Variants in SLK observed in about 807,000 individuals in gnomAD.
SLK encodes STE20 like kinase.
In SLK, 67 loss-of-function variants were observed where a neutral mutation model predicts 147.7. The observed-to-expected ratio is 0.45, with a 90% CI of 0.37 to 0.56. SLK has a LOEUF of 0.56. Among genes scored for constraint, SLK ranks in the 20% least tolerant of loss-of-function variants. The pLI is 0.00. For synonymous variants in SLK, 441 were observed against 475.0 expected, an observed-to-expected ratio of 0.93 and a Z score of 0.93; for missense variants, 1,136 against 1,438.8, an observed-to-expected ratio of 0.79 and a Z score of 3.41.
At chr10:104,015,832 T>G (rs1844455673) in intron 13 of SLK, among the ~76,000 whole-genome samples, 1 of 152,198 alleles carries the variant, frequency 6.6e-6, no homozygotes, top group Admixed American at 6.5e-5. Flanking sequence ...ATCCTTTACT[T>G]TTGTGTTTGA....
intron 4 of SLK, among the ~76,000 whole-genome samples, chr10:103,996,801 T>C (rs1844181370): frequency 6.6e-6 from 1 of 152,234 alleles, no homozygotes; most frequent in Non-Finnish European, 1.5e-5. Flanking sequence ...TTCCCTTGCA[T>C]TGACTTGCTT....
At chr10:103,983,050 G>GGT (rs67772110) in intron 1 of SLK, among the ~76,000 whole-genome samples, 4 of 151,970 alleles carry the variant, frequency 2.6e-5, no homozygotes, top group South Asian at 4.1e-4. Flanking sequence ...CTATGTGAGG[G>GGT]GTGTGTGTAT....
chr10:104,013,284 G>A (rs1253808693), intron 13 of SLK, among the ~76,000 whole-genome samples: 1 of 152,218 alleles, frequency 6.6e-6, no homozygotes, highest in African/African-American at 2.4e-5. Flanking sequence ...TTTGAAAGAA[G>A]CAACTATGGG....
intron 1 of SLK, 88 bp from the exon 2 acceptor site, chr10:103,990,587 T>C (rs1298624720): frequency 2.8e-6 from 2 of 723,038 alleles, no homozygotes; most frequent in Non-Finnish European, 4.2e-6. Flanking sequence ...GAATTAAATA[T>C]GAATTAAAAC....
intron 1 of SLK, among the ~76,000 whole-genome samples, chr10:103,979,224 C>A (rs1463316252): frequency 6.6e-6 from 1 of 152,184 alleles, no homozygotes; most frequent in African/African-American, 2.4e-5. Context: ...GCCTTGTTGG[C>A]CAGGCTGGTC....
intron 13 of SLK, among the ~76,000 whole-genome samples, chr10:104,016,772 C>A (rs1308852421): frequency 6.6e-6 from 1 of 150,972 alleles, no homozygotes; most frequent in African/African-American, 2.5e-5. Context: ...GTGAGACTCT[C>A]TGTGCATTTG....
At chr10:104,025,547 C>G (rs1278768916) in intron 18 of SLK, 27 bp from the exon 19 acceptor site, 2 of 1,608,446 alleles carry the variant, frequency 1.2e-6, no homozygotes, top group South Asian at 1.1e-5. Flanking sequence ...CAGCACATAG[C>G]AATTTCTTTT....
chr10:104,021,560 T>C, intron 17 of SLK, 60 bp from the exon 18 acceptor site: 1 of 838,784 alleles, frequency 1.2e-6, no homozygotes, highest in East Asian at 2.5e-5. Flanking sequence ...AAGATAATTG[T>C]ATTTGTGAAA....
At chr10:103,988,890 G>C (rs1844053245) in intron 1 of SLK, among the ~76,000 whole-genome samples, 1 of 151,774 alleles carries the variant, frequency 6.6e-6, no homozygotes, top group Non-Finnish European at 1.5e-5. Context: ...GAGGGATTTT[G>C]TAAATTGCCC....
At chr10:103,979,390 G>A (rs1843912455) in intron 1 of SLK, among the ~76,000 whole-genome samples, 1 of 152,154 alleles carries the variant, frequency 6.6e-6, no homozygotes, top group Non-Finnish European at 1.5e-5. Flanking sequence ...GCTTTATAAA[G>A]TCTCTTAAAA....
At chr10:104,001,653 TG>T in intron 8 of SLK, 81 bp downstream of exon 8, 1 of 1,493,968 alleles carries the variant, frequency 6.7e-7, no homozygotes. Context: ...TAAGGATTGA[TG>T]GGTGGCAACG....
In SLK at chr10:104,003,185, T is replaced by C; in HGVS notation, c.2007T>C (p.Val669=). Residue 669 remains valine, a synonymous_variant, in exon 9 of 19, where the codon GTT becomes GTC. Coordinates refer to ENST00000369755, the MANE Select transcript of SLK (RefSeq NM_014720.4). ...DTDQKALGSE[V]QDASKVTTQI... ...ACCAAAAGGCTTTAGGAAGTGAAGTTCAGGATGCTTCTAAAGTCACTACTC... is the reference window on the plus strand; with the variant it reads ...ACCAAAAGGCTTTAGGAAGTGAAGTCCAGGATGCTTCTAAAGTCACTACTC... 1.2e-6 allele frequency: 2 copies of C among 1,613,940 alleles called. No homozygotes were observed. Among genetic ancestry groups the C allele is most frequent in the Non-Finnish European group, 1.7e-6 (2 of 1,179,966 alleles).
intron 4 of SLK, among the ~76,000 whole-genome samples, chr10:103,995,414 C>CTTTTTTTTTTT (rs1564655785): frequency 8.0e-6 from 1 of 125,382 alleles, no homozygotes; most frequent in African/African-American, 3.1e-5. Context: ...TTTTTCTTTT[C>CTTTTTTTTTTT]TTTCTTTTCT....
At chr10:103,968,337 A>G (rs998609143) in intron 1 of SLK, among the ~76,000 whole-genome samples, 12 of 152,332 alleles carry the variant, frequency 7.9e-5, no homozygotes, top group African/African-American at 2.9e-4. Flanking sequence ...ATCTAGAGCT[A>G]ATACAGAACT....
In SLK at chr10:103,992,847, T is replaced by C. The variant is rs1210230383; in HGVS notation, c.365-137T>C. Reference sequence around the variant, plus strand: ...TTGAGTGTGTCAAGAATGTGATCTTTGTAGATATAGTTCTTTTAAAATAAA... The same window carrying C: ...TTGAGTGTGTCAAGAATGTGATCTTCGTAGATATAGTTCTTTTAAAATAAA... On this transcript the variant is annotated intron_variant, in intron 3 of 18. Transcript: ENST00000369755. 4.3e-6 allele frequency: 3 copies of C among 697,732 alleles called. No homozygotes were observed. The African/African-American group carries it at 5.4e-5, about 13-fold the overall frequency. The allele number at this position is 697,732 out of a possible 1,614,324, so 43.2% of individuals were successfully genotyped here. A position where few individuals can be genotyped will look rare whatever the true frequency, so the allele number is the denominator to read the frequency against.
chr10:104,021,024 T>C (rs1414063774), intron 17 of SLK, among the ~76,000 whole-genome samples: 2 of 152,232 alleles, frequency 1.3e-5, no homozygotes, highest in Non-Finnish European at 2.9e-5. Flanking sequence ...TTCTAGGTTT[T>C]TGAAATAAGT....
At chr10:104,006,139 A>T in intron 11 of SLK, 104 bp downstream of exon 11, 1 of 1,160,170 alleles carries the variant, frequency 8.6e-7, no homozygotes, top group Non-Finnish European at 1.2e-6. Flanking sequence ...TTGTTCTCTG[A>T]TTGCCAGATT....
chr10:103,991,671 A>G (rs1022945724), intron 2 of SLK, among the ~76,000 whole-genome samples: 4 of 152,054 alleles, frequency 2.6e-5, no homozygotes, highest in African/African-American at 9.7e-5. Flanking sequence ...TTTTCTGAAT[A>G]ATGTAATGAA....
chr10:103,994,315 G>A (rs972313498), intron 4 of SLK, among the ~76,000 whole-genome samples: 8 of 152,108 alleles, frequency 5.3e-5, no homozygotes, highest in East Asian at 1.9e-4. Context: ...AAGCTCTTCC[G>A]TATGCCCATC....
Sources: allele counts gnomAD v4.1 joint callset (sites outside exome capture counted in the v4.1 genomes callset), GRCh38; gene constraint gnomAD v4.1.1; transcripts MANE v1.5; gene names NCBI Gene and HGNC (gene_info 2026-07-23, HGNC 2026-07-21).